Variants in NHEJ1 observed in about 807,000 individuals in gnomAD.
NHEJ1 encodes non-homologous end-joining factor 1.
In NHEJ1, 22 loss-of-function variants were observed where a neutral mutation model predicts 39.4. The ratio of observed to expected loss-of-function variants is 0.56; its 90% confidence interval spans 0.40 to 0.80. The LOEUF is 0.80. Among genes scored for constraint, NHEJ1 ranks in the 30% least tolerant of loss-of-function variants. NHEJ1 has a pLI of 0.00. For missense variants in NHEJ1, 329 were observed against 357.1 expected, an observed-to-expected ratio of 0.92 and a Z score of 0.63; for synonymous variants, 154 against 135.6, an observed-to-expected ratio of 1.14 and a Z score of -0.94.
At chr2:219,159,588 CAT>C (rs368325501) in intron 1 of NHEJ1, among the ~76,000 whole-genome samples, 998 of 69,490 alleles carry the variant, frequency 0.014, 81 homozygotes, top group African/African-American at 0.028. Flanking sequence ...TATATATATG[CAT>C]ATATATATAT....
At chr2:219,112,371 A>G (rs1387222557) in intron 5 of NHEJ1, among the ~76,000 whole-genome samples, 1 of 152,220 alleles carries the variant, frequency 6.6e-6, no homozygotes, top group Non-Finnish European at 1.5e-5. Context: ...CCTAATTCAC[A>G]AAGACTAGGA....
In NHEJ1 at chr2:219,071,412, C is replaced by A. The variant is rs974093475; in HGVS notation, c.*4969G>T. Among the ~76,000 whole-genome samples the A allele has an allele frequency of 2.6e-5, 4 of 152,152 alleles. No homozygotes were observed. Among genetic ancestry groups the A allele is most frequent in the African/African-American group, 9.7e-5 (4 of 41,436 alleles). Reference sequence around the variant, plus strand: ...GGTTGAAATTTAACCACAATATTCTCGGTCTCTATTGTTTTGAGTGAGGCC... The same window carrying A: ...GGTTGAAATTTAACCACAATATTCTAGGTCTCTATTGTTTTGAGTGAGGCC... On this transcript the variant is annotated 3_prime_UTR_variant, in exon 8 of 8. Transcript: ENST00000356853.
chr2:219,131,686 A>G (rs1574731338), intron 5 of NHEJ1, among the ~76,000 whole-genome samples: 1 of 152,288 alleles, frequency 6.6e-6, no homozygotes, highest in African/African-American at 2.4e-5. Flanking sequence ...ATTTCCTCAC[A>G]CATCATTAAT....
chr2:219,152,250 C>G (rs114500353), intron 3 of NHEJ1, among the ~76,000 whole-genome samples: 1 of 152,026 alleles, frequency 6.6e-6, no homozygotes, highest in East Asian at 1.9e-4. Flanking sequence ...AATCTTTTTC[C>G]GAGGAAAAGC....
chr2:219,097,126 A>G lies in NHEJ1; in HGVS notation c.589-18920T>C, dbSNP rs148706822. 6.8e-3 allele frequency among the ~76,000 whole-genome samples: 1,034 copies of G among 152,302 alleles called. 7 individuals are homozygous for G. Among genetic ancestry groups the G allele is most frequent in the Non-Finnish European group, 9.7e-3 (662 of 68,026 alleles). On this transcript the variant is annotated intron_variant, in intron 5 of 7. Transcript: ENST00000356853. ...ATTCTGCCCAACAGAAGGCTAATAT[A>G]AGTGTTCTGAGCATGCTTAAGATAG...
intron 4 of NHEJ1, among the ~76,000 whole-genome samples, chr2:219,147,218 G>A (rs1328685052): frequency 2.6e-5 from 4 of 152,326 alleles, no homozygotes; most frequent in Admixed American, 6.5e-5. Flanking sequence ...GGTGGCTCAC[G>A]CCTGTAATCC....
At chr2:219,147,915 A>T in intron 3 of NHEJ1, 120 bp from the exon 4 acceptor site, 1 of 982,628 alleles carries the variant, frequency 1.0e-6, no homozygotes. Flanking sequence ...ATAGTTTCAT[A>T]GGCAAGTAAC....
At chr2:219,083,131 C>T (rs756799245) in intron 5 of NHEJ1, among the ~76,000 whole-genome samples, 23 of 152,196 alleles carry the variant, frequency 1.5e-4, no homozygotes, top group Admixed American at 4.6e-4. Context: ...TATTTAGATG[C>T]TGGGAATATG....
intron 5 of NHEJ1, among the ~76,000 whole-genome samples, chr2:219,122,851 A>G (rs955174757): frequency 2.0e-5 from 3 of 152,232 alleles, no homozygotes; most frequent in Admixed American, 6.5e-5. Context: ...AAGGTCTAAT[A>G]TTAACCTTGG....
intron 5 of NHEJ1, among the ~76,000 whole-genome samples, chr2:219,117,721 G>A (rs1949429274): frequency 6.6e-6 from 1 of 152,256 alleles, no homozygotes; most frequent in Non-Finnish European, 1.5e-5. Flanking sequence ...AGCTGACTGG[G>A]TCTGAAAGCT....
At chr2:219,135,170 A>C (rs1156762664) in intron 5 of NHEJ1, among the ~76,000 whole-genome samples, 1 of 152,224 alleles carries the variant, frequency 6.6e-6, no homozygotes, top group African/African-American at 2.4e-5. Context: ...AAATTACCAT[A>C]CTGTAACAAA....
At chr2:219,117,536 C>T (rs530599984) in intron 5 of NHEJ1, among the ~76,000 whole-genome samples, 2 of 152,290 alleles carry the variant, frequency 1.3e-5, no homozygotes, top group African/African-American at 4.8e-5. Flanking sequence ...TGGGGAAACG[C>T]ACAAGTAAAC....
intron 5 of NHEJ1, among the ~76,000 whole-genome samples, chr2:219,096,788 AG>A (rs1348237135): frequency 6.6e-6 from 1 of 152,198 alleles, no homozygotes; most frequent in Non-Finnish European, 1.5e-5. Context: ...GAGTGAAGTG[AG>A]GGAGACAAAG....
intron 5 of NHEJ1, among the ~76,000 whole-genome samples, chr2:219,120,873 C>T (rs1227815309): frequency 6.6e-6 from 1 of 152,132 alleles, no homozygotes; most frequent in Non-Finnish European, 1.5e-5. Flanking sequence ...CCAAGCAGGA[C>T]TCTACTATAC....
At chr2:219,087,473 T>C (rs968472288) in intron 5 of NHEJ1, among the ~76,000 whole-genome samples, 1 of 151,986 alleles carries the variant, frequency 6.6e-6, no homozygotes, top group Non-Finnish European at 1.5e-5. Flanking sequence ...GTATTCTCTG[T>C]AGGACCTCCA....
At chr2:219,142,625 C>T (rs898968581) in intron 5 of NHEJ1, among the ~76,000 whole-genome samples, 3 of 152,234 alleles carry the variant, frequency 2.0e-5, no homozygotes, top group Non-Finnish European at 2.9e-5. Context: ...GAAGGAACTC[C>T]CTCCAGTGGA....
chr2:219,134,276 A>C (rs1378778061), intron 5 of NHEJ1, among the ~76,000 whole-genome samples: 1 of 152,244 alleles, frequency 6.6e-6, no homozygotes, highest in African/African-American at 2.4e-5. Context: ...AATATGGGTA[A>C]ATCAACGGGA....
intron 4 of NHEJ1, 84 bp from the exon 5 acceptor site, chr2:219,146,822 T>G: frequency 9.4e-7 from 1 of 1,068,082 alleles, no homozygotes; most frequent in South Asian, 1.3e-5. Flanking sequence ...AGAACAGGGC[T>G]ACTTAGGAAA....
At chr2:219,084,520 G>A (rs189827186) in intron 5 of NHEJ1, among the ~76,000 whole-genome samples, 46 of 152,242 alleles carry the variant, frequency 3.0e-4, no homozygotes, top group African/African-American at 1.0e-3. Context: ...CCAACTCCTC[G>A]GTCTCTAGCA....
Sources: allele counts gnomAD v4.1 joint callset (sites outside exome capture counted in the v4.1 genomes callset), GRCh38; gene constraint gnomAD v4.1.1; transcripts MANE v1.5; gene names NCBI Gene and HGNC (gene_info 2026-07-23, HGNC 2026-07-21).